DISC1: variants seen among roughly 807,000 people sequenced by gnomAD.
The protein encoded by DISC1 is DISC1 scaffold protein, also known as disrupted in schizophrenia 1 protein.
A neutral mutation model predicts 84.5 loss-of-function variants in DISC1; 57 were observed. That is an observed-to-expected ratio of 0.67 (90% CI 0.55 to 0.84). The LOEUF (loss-of-function observed/expected upper bound fraction) is 0.84, where lower values mean the gene tolerates loss of function less well. Among genes scored for constraint, DISC1 ranks in the 40% least tolerant of loss-of-function variants. The pLI is 0.00. For synonymous variants in DISC1, 411 were observed against 415.2 expected (o/e 0.99, Z 0.12); for missense variants, 1,000 against 1,057.8 (o/e 0.95, Z 0.76).
In DISC1 at chr1:231,826,398, A is replaced by T. The variant is rs1280062971; in HGVS notation, c.1981+7881A>T. Among the ~76,000 whole-genome samples, 1 of 152,326 alleles carries T rather than the reference A, an allele frequency of 6.6e-6. No individual in the cohort carries two copies. The highest frequency in any genetic ancestry group is 1.5e-5 in the Non-Finnish European group (1 of 68,032). On this transcript the variant is annotated intron_variant, in intron 9 of 12. Coordinates refer to ENST00000439617, the MANE Select transcript of DISC1 (RefSeq NM_018662.3). The surrounding 1 kb of genome is among the most constrained non-coding windows in gnomAD (Gnocchi z 4.2). ...ACAAAACAAAAGTCTACAAAAAGTC[A>T]TCTATTGATGATGTTGAACATCCTG...
chr1:232,036,621 G>A (rs78019819), intron 12 of DISC1, 71 bp from the exon 13 acceptor site: 40 of 1,383,216 alleles, frequency 2.9e-5, no homozygotes, highest in Non-Finnish European at 3.5e-5. Flanking sequence ...AGGCTCACAC[G>A]CTCTTCGATC....
chr1:231,795,741 T>C (rs1049613664), intron 7 of DISC1, among the ~76,000 whole-genome samples: 5 of 151,990 alleles, frequency 3.3e-5, no homozygotes, highest in African/African-American at 1.2e-4. Context: ...ATACAAAAAT[T>C]AGCTGGGTGT....
chr1:231,689,338 G>A (rs1444240073), intron 1 of DISC1, among the ~76,000 whole-genome samples: 1 of 151,044 alleles, frequency 6.6e-6, no homozygotes, highest in East Asian at 1.9e-4. Flanking sequence ...TTTTTTTTTT[G>A]TTGTTTTTTT....
chr1:231,688,605 A>G (rs2064606141), intron 1 of DISC1, among the ~76,000 whole-genome samples: 1 of 152,124 alleles, frequency 6.6e-6, no homozygotes, highest in Non-Finnish European at 1.5e-5. Flanking sequence ...ACCATTAACC[A>G]ACTGAGCTAA....
intron 9 of DISC1, among the ~76,000 whole-genome samples, chr1:231,923,461 C>A (rs918419143): frequency 3.3e-5 from 5 of 152,174 alleles, no homozygotes; most frequent in Admixed American, 3.3e-4. Flanking sequence ...GAGGCTGCTG[C>A]CAGTTTAAAT....
chr1:231,780,252 G>GAAAAAAAAAAAAAAAAAAAAAAAAAA (rs34768925), intron 6 of DISC1, among the ~76,000 whole-genome samples: 1 of 120,238 alleles, frequency 8.3e-6, no homozygotes, highest in Non-Finnish European at 1.7e-5. Context: ...AAAAAAAAAA[G>GAAAAAAAAAAAAAAAAAAAAAAAAAA]AAAAGGAAAG....
intron 9 of DISC1, among the ~76,000 whole-genome samples, chr1:231,891,690 T>G (rs1029977237): frequency 3.9e-5 from 6 of 151,932 alleles, no homozygotes; most frequent in African/African-American, 1.5e-4. Context: ...AGTTGTTGGG[T>G]GGTGTGGGCG....
chr1:231,864,943 CCTT>C (rs1449439517), intron 9 of DISC1, among the ~76,000 whole-genome samples: 1 of 152,144 alleles, frequency 6.6e-6, no homozygotes. Context: ...AATTAAATCT[CCTT>C]TGAAAGTTTC....
At position 231,694,343 on chromosome 1, in the gene DISC1, C is replaced by A. The variant is rs559000734; in HGVS notation, c.585C>A (p.Val195=). The A allele has an allele frequency of 4.3e-6, 7 of 1,614,184 alleles. No individual in the cohort carries two copies. The highest frequency in any genetic ancestry group is 2.2e-5 in the East Asian group (1 of 44,876). ...GCAGCCCTGGCTGTGGCCCTGAGGT[C>A]CCCCCAACCCCTCCTGGCTCTCACA... is the stretch of plus-strand genomic sequence containing the variant. ...NSCSPGCGPE[V]PPTPPGSHSA... Residue 195 remains valine (V), a synonymous_variant, in exon 2 of 13, where the codon GTC becomes GTA. Transcript: ENST00000439617.
chr1:232,004,471 A>G (rs1572593094), intron 10 of DISC1, among the ~76,000 whole-genome samples: 3 of 152,306 alleles, frequency 2.0e-5, no homozygotes, highest in South Asian at 4.1e-4. Flanking sequence ...AAAAAGGATT[A>G]ATTTATATAA....
At chr1:231,813,180 A>G (rs2080496028) in intron 8 of DISC1, 1 of 152,214 alleles carries the variant, frequency 6.6e-6, no homozygotes, top group Non-Finnish European at 1.5e-5. Flanking sequence ...CTGTATATAT[A>G]GTCTCTTCCA....
chr1:231,916,302 A>C (rs1469890214), intron 9 of DISC1, among the ~76,000 whole-genome samples: 2 of 152,182 alleles, frequency 1.3e-5, no homozygotes, highest in East Asian at 3.8e-4. Context: ...ACAGAAGCAC[A>C]TTGCATTTAA....
chr1:231,799,915 C>CCTT (rs1558566312), intron 7 of DISC1, among the ~76,000 whole-genome samples, 193 bp from the exon 8 acceptor site: 36 of 13,954 alleles, frequency 2.6e-3, no homozygotes, highest in East Asian at 8.0e-3. Context: ...CTCCCTTCTT[C>CCTT]CCTTCCTCCC....
At chr1:231,795,345 GT>G (rs1558558566) in intron 7 of DISC1, 49 bp downstream of exon 7, 2 of 1,540,268 alleles carry the variant, frequency 1.3e-6, no homozygotes, top group Non-Finnish European at 1.8e-6. Flanking sequence ...TGAAGTTTTC[GT>G]TTGACTTGAT....
intron 1 of DISC1, among the ~76,000 whole-genome samples, chr1:231,650,794 C>T (rs538837749): frequency 7.9e-5 from 12 of 152,254 alleles, no homozygotes; most frequent in African/African-American, 2.4e-4. Flanking sequence ...CTTCTCTTCT[C>T]GCCTTATTTC....
rs781439697 is a variant in DISC1, at chr1:231,818,513, C to T, written c.1977C>T (p.Ala659=). The T allele has an allele frequency of 5.6e-6, 9 of 1,614,010 alleles. No homozygotes were observed. Among genetic ancestry groups the T allele is most frequent in the Non-Finnish European group, 7.6e-6 (9 of 1,179,952 alleles). The change falls in exon 9 of 13, where the codon GCC becomes GCT. Residue 659 remains alanine (A), a synonymous_variant. Transcript: ENST00000439617. ...GAGAAGTGGAGCACCAGGAGACTGC[C>T]TATGGTAGGTAGTGCACAACTGTTC... The part of the protein sequence containing the change: ...LRREVEHQET[A]YETSVKENTM...
chr1:231,989,447 C>T (rs2094685), intron 10 of DISC1, among the ~76,000 whole-genome samples: 6 of 152,138 alleles, frequency 3.9e-5, no homozygotes, highest in Non-Finnish European at 7.3e-5. Flanking sequence ...CATGCCCTGA[C>T]CTTGAAGAGT....
intron 9 of DISC1, among the ~76,000 whole-genome samples, chr1:231,836,374 G>T (rs745951093): frequency 6.6e-6 from 1 of 152,106 alleles, no homozygotes; most frequent in Non-Finnish European, 1.5e-5. Flanking sequence ...GAGAAAGGTC[G>T]TCCCTGTCCT....
At chr1:231,702,662 C>A (rs533276788) in intron 3 of DISC1, 139 of 965,432 alleles carry the variant, frequency 1.4e-4, no homozygotes, top group African/African-American at 1.2e-3. Flanking sequence ...AACAAAAAAA[C>A]CAATTAAAAT....
Sources: allele counts gnomAD v4.1 joint callset (sites outside exome capture counted in the v4.1 genomes callset), GRCh38; gene constraint gnomAD v4.1.1; non-coding constraint Gnocchi (gnomAD v3.1); transcripts MANE v1.5; gene names NCBI Gene and HGNC (gene_info 2026-07-23, HGNC 2026-07-21).